The following FHIT variants were observed in gnomAD, a reference collection of about 807,000 sequenced individuals.
The protein encoded by FHIT is fragile histidine triad diadenosine triphosphatase.
FHIT carries 19 observed loss-of-function variants against 17.9 expected under a neutral mutation model. The ratio of observed to expected loss-of-function variants is 1.06; its 90% CI spans 0.74 to 1.56. The LOEUF (loss-of-function observed/expected upper bound fraction) is 1.56, where lower values mean the gene tolerates loss of function less well. Ranked by LOEUF, FHIT falls within the 40% of genes most tolerant of loss-of-function variation. The pLI is 0.00. For missense variants in FHIT, 248 were observed against 189.2 expected (o/e 1.31, Z -1.82); for synonymous variants, 81 against 69.7 (o/e 1.16, Z -0.81).
intron 5 of FHIT, among the ~76,000 whole-genome samples, chr3:60,425,898 A>C (rs1217642913): frequency 6.6e-6 from 1 of 152,122 alleles, no homozygotes; most frequent in Non-Finnish European, 1.5e-5. Flanking sequence ...TGAAGAAGGA[A>C]AAGTGTTATG....
At chr3:60,794,373 AATGG>A (rs34723569) in intron 4 of FHIT, among the ~76,000 whole-genome samples, 22,694 of 149,498 alleles carry the variant, frequency 0.15, 2,410 homozygotes, top group African/African-American at 0.3. Context: ...GGGAAGGAAA[AATGG>A]ATGGATGGAT....
chr3:61,104,527 A>T (rs1384416003), intron 2 of FHIT, among the ~76,000 whole-genome samples: 1 of 152,142 alleles, frequency 6.6e-6, no homozygotes, highest in Non-Finnish European at 1.5e-5. Flanking sequence ...ACCATGGAGA[A>T]TCTGACGATT....
At chr3:60,426,497 A>G (rs1025081685) in intron 5 of FHIT, among the ~76,000 whole-genome samples, 7 of 152,090 alleles carry the variant, frequency 4.6e-5, no homozygotes, top group Non-Finnish European at 8.8e-5. Flanking sequence ...ACTCCCTGTA[A>G]AAAATGTTAG....
intron 5 of FHIT, among the ~76,000 whole-genome samples, chr3:60,261,416 T>C (rs1706294786): frequency 6.6e-6 from 1 of 152,034 alleles, no homozygotes; most frequent in Non-Finnish European, 1.5e-5. Context: ...ATCATCAAAA[T>C]ACACTATAAT....
At chr3:59,777,730 C>T (rs1702394625) in intron 8 of FHIT, among the ~76,000 whole-genome samples, 1 of 150,698 alleles carries the variant, frequency 6.6e-6, no homozygotes, top group Non-Finnish European at 1.5e-5. Context: ...CCCTGAAGAC[C>T]TCTAGGCCAC....
chr3:60,683,261 T>C (rs895096510), intron 4 of FHIT, among the ~76,000 whole-genome samples: 10 of 152,194 alleles, frequency 6.6e-5, no homozygotes, highest in African/African-American at 2.4e-4. Flanking sequence ...AAAGGAGTTT[T>C]ATTGTGGGTA....
At chr3:60,294,481 T>C (rs768015379) in intron 5 of FHIT, among the ~76,000 whole-genome samples, 1 of 152,204 alleles carries the variant, frequency 6.6e-6, no homozygotes, top group Non-Finnish European at 1.5e-5. Context: ...TTTTATTATA[T>C]ACACTTTTAG....
At chr3:59,782,467 AAT>A (rs1432172382) in intron 8 of FHIT, among the ~76,000 whole-genome samples, 1 of 152,188 alleles carries the variant, frequency 6.6e-6, no homozygotes. Flanking sequence ...CTCACTCATG[AAT>A]CAGAACAGGA....
chr3:59,953,351 C>T (rs1252497023), intron 7 of FHIT, among the ~76,000 whole-genome samples: 1 of 151,904 alleles, frequency 6.6e-6, no homozygotes, highest in African/African-American at 2.4e-5. Context: ...GTGTGCATGT[C>T]CTCCTCCTCC....
intron 4 of FHIT, among the ~76,000 whole-genome samples, chr3:60,707,306 T>C (rs2107924888): frequency 6.6e-6 from 1 of 152,334 alleles, no homozygotes; most frequent in Middle Eastern, 3.4e-3. Flanking sequence ...AACTTTATAA[T>C]GGCAAAGCCA....
rs911907606 is a variant in FHIT at position 60,573,675 on chromosome 3, C to T, written c.-17-36696G>A. 6.6e-5 allele frequency among the ~76,000 whole-genome samples: 10 copies of T among 152,248 alleles called. No individual in the cohort carries two copies. In the East Asian group the frequency reaches 1.2e-3, roughly 18 times the overall value. The stretch of plus-strand genomic sequence containing the variant: ...AAGGGGAGAGAAGCGCAGCTGCCTC[C>T]GTTCAAGGCTGGGTGAGAGTGATGA... On this transcript the variant is annotated intron_variant, in intron 4 of 9. Coordinates refer to ENST00000492590, the MANE Select transcript of FHIT (RefSeq NM_002012.4).
At chr3:60,808,435 T>C (rs1701470808) in intron 4 of FHIT, among the ~76,000 whole-genome samples, 1 of 152,168 alleles carries the variant, frequency 6.6e-6, no homozygotes, top group Non-Finnish European at 1.5e-5. Context: ...TACATGGCCG[T>C]CCTAGGCTTT....
chr3:60,564,713 C>A (rs1355988893), intron 4 of FHIT, among the ~76,000 whole-genome samples: 1 of 152,102 alleles, frequency 6.6e-6, no homozygotes, highest in Non-Finnish European at 1.5e-5. Context: ...ATCTCATGAT[C>A]AAACTTGAAC....
chr3:60,809,215 T>A (rs148265366), intron 4 of FHIT, among the ~76,000 whole-genome samples: 72 of 152,316 alleles, frequency 4.7e-4, no homozygotes, highest in South Asian at 1.9e-3. Context: ...TATGACATTG[T>A]TCAGATTGTG....
intron 2 of FHIT, among the ~76,000 whole-genome samples, chr3:61,131,047 G>C (rs1026066653): frequency 6.6e-6 from 1 of 152,224 alleles, no homozygotes; most frequent in Non-Finnish European, 1.5e-5. Flanking sequence ...TGAAAGATTA[G>C]TTGACTCAGG....
intron 5 of FHIT, among the ~76,000 whole-genome samples, chr3:60,485,805 C>T (rs1229806869): frequency 6.6e-6 from 1 of 152,086 alleles, no homozygotes; most frequent in Non-Finnish European, 1.5e-5. Context: ...AAATGGACAA[C>T]TCTCTAGAAT....
chr3:61,068,891 AG>A (rs1444118324), intron 2 of FHIT, among the ~76,000 whole-genome samples: 1 of 152,156 alleles, frequency 6.6e-6, no homozygotes, highest in Non-Finnish European at 1.5e-5. Context: ...AATGAGAAAA[AG>A]GCAGCAAGGG....
At chr3:59,990,780 A>G (rs563341580) in intron 7 of FHIT, among the ~76,000 whole-genome samples, 2 of 152,068 alleles carry the variant, frequency 1.3e-5, no homozygotes, top group Admixed American at 6.6e-5. Context: ...AACAAATGAC[A>G]CTTAAGTGAT....
chr3:60,228,720 G>C (rs1320099605), intron 5 of FHIT, among the ~76,000 whole-genome samples: 1 of 152,082 alleles, frequency 6.6e-6, no homozygotes, highest in East Asian at 1.9e-4. Context: ...ATTCTTACGA[G>C]ACCCTTGAAT....
Sources: gnomAD v4.1 joint callset for allele counts (sites outside exome capture counted in the v4.1 genomes callset) on GRCh38, gnomAD v4.1.1 for gene constraint, MANE v1.5 for transcripts, NCBI Gene and HGNC (gene_info 2026-07-23, HGNC 2026-07-21) for gene names.